The following CTNNA2 variants were observed in gnomAD, a reference collection of about 807,000 sequenced individuals.
CTNNA2 encodes catenin alpha-2.
CTNNA2 carries 42 observed loss-of-function variants against 101.0 expected under a neutral mutation model. The ratio of observed to expected loss-of-function variants is 0.42; its 90% CI spans 0.32 to 0.54. The LOEUF (loss-of-function observed/expected upper bound fraction) is 0.54, where lower values mean the gene tolerates loss of function less well. Among genes scored for constraint, CTNNA2 ranks in the 20% least tolerant of loss-of-function variants. CTNNA2 has a pLI of 0.14. For missense variants in CTNNA2, 871 were observed against 1,223.1 expected (o/e 0.71, Z 4.29); for synonymous variants, 450 against 456.4 (o/e 0.99, Z 0.18).
Position 79,657,752 on chromosome 2 carries a change from T to C in CTNNA2, c.102+6094T>C, listed in dbSNP as rs139563645. ...AGATCAGCATAAGTGTGAAAAAAAATAGGATTTTTAAAGAATATAATGGTG... is the reference window on the plus strand; with the variant it reads ...AGATCAGCATAAGTGTGAAAAAAAACAGGATTTTTAAAGAATATAATGGTG... On this transcript the variant is annotated intron_variant, in intron 2 of 18. Coordinates refer to ENST00000402739, the MANE Select transcript of CTNNA2 (RefSeq NM_001282597.3). 3.5e-3 allele frequency among the ~76,000 whole-genome samples: 528 copies of C among 151,356 alleles called. 11 individuals are homozygous for C. The East Asian group carries it at 0.048, about 14-fold the overall frequency.
At chr2:79,946,550 A>G (rs10172408) in intron 7 of CTNNA2, among the ~76,000 whole-genome samples, 12,823 of 152,236 alleles carry the variant, frequency 0.084, 628 homozygotes, top group East Asian at 0.19. Flanking sequence ...GTAGTCCAAT[A>G]TTAAACACAG....
intron 4 of CTNNA2, among the ~76,000 whole-genome samples, chr2:79,432,294 T>C (rs940108924): frequency 2.0e-5 from 3 of 152,252 alleles, no homozygotes; most frequent in African/African-American, 7.2e-5. Context: ...GCTGAGAACA[T>C]GGTAACTCCA....
intron 17 of CTNNA2, 121 bp from the exon 18 acceptor site, chr2:80,618,964 C>CT (rs1022497899): frequency 2.0e-5 from 11 of 556,452 alleles, no homozygotes; most frequent in South Asian, 4.7e-5. Flanking sequence ...TCATATACCT[C>CT]TTTTTTCCCA....
At chr2:79,333,954 T>C (rs1676934073) in intron 3 of CTNNA2, among the ~76,000 whole-genome samples, 1 of 152,158 alleles carries the variant, frequency 6.6e-6, no homozygotes, top group African/African-American at 2.4e-5. Context: ...TTATTTTTAA[T>C]TGACACATAA....
At chr2:79,812,028 A>G (rs1435730116) in intron 3 of CTNNA2, among the ~76,000 whole-genome samples, 3 of 152,302 alleles carry the variant, frequency 2.0e-5, no homozygotes, top group Admixed American at 6.5e-5. Context: ...TACTGATTCT[A>G]TATAGAAATA....
At chr2:79,666,033 T>C (rs1330512836) in intron 2 of CTNNA2, among the ~76,000 whole-genome samples, 2 of 152,192 alleles carry the variant, frequency 1.3e-5, no homozygotes, top group African/African-American at 4.8e-5. Context: ...CTTGTTTTTA[T>C]CCCCGAGGGG....
intron 7 of CTNNA2, among the ~76,000 whole-genome samples, chr2:80,126,613 TCCCTCCCTCCCTCCCTC>T (rs1702129810): frequency 6.4e-5 from 2 of 31,252 alleles, no homozygotes; most frequent in African/African-American, 2.7e-4. Context: ...CCTCCCTCCC[TCCCTCCCTCCCTCCCTC>T]CCTCCCTTCC....
In CTNNA2 at chr2:79,727,507, T is replaced by C. The variant is rs1312044201; in HGVS notation, c.103-16880T>C. 5.3e-5 allele frequency among the ~76,000 whole-genome samples: 8 copies of C among 152,052 alleles called. 1 individual carries two copies. Among genetic ancestry groups the C allele is most frequent in the Admixed American group, 5.2e-4 (8 of 15,264 alleles). Reference sequence around the variant, plus strand: ...AAAAATTCATTGAAAATCAATACTATCCCATTTATTTTAGTCTATCTCAGT... The same window carrying C: ...AAAAATTCATTGAAAATCAATACTACCCCATTTATTTTAGTCTATCTCAGT... On this transcript the variant is annotated intron_variant, in intron 2 of 18. Coordinates refer to ENST00000402739, the MANE Select transcript of CTNNA2 (RefSeq NM_001282597.3).
Position 79,585,282 on chromosome 2 carries a change from C to T in CTNNA2, c.-5-66270C>T, listed in dbSNP as rs138921014. Among the ~76,000 whole-genome samples, 20 of 151,988 alleles carry T rather than the reference C, an allele frequency of 1.3e-4. No individual in the cohort carries two copies. In the East Asian group the frequency reaches 3.9e-3, roughly 29 times the overall value. On this transcript the variant is annotated intron_variant, in intron 1 of 18. Transcript: ENST00000402739. ...ATTGTTTTTCTTGGTTATTCAGACACTTATTTACAATTAGGGATAATTCTG... is the reference window on the plus strand; with the variant it reads ...ATTGTTTTTCTTGGTTATTCAGACATTTATTTACAATTAGGGATAATTCTG...
At chr2:79,686,821 T>G (rs1683964172) in intron 2 of CTNNA2, among the ~76,000 whole-genome samples, 1 of 152,110 alleles carries the variant, frequency 6.6e-6, no homozygotes, top group Non-Finnish European at 1.5e-5. Context: ...AAAAAAATAC[T>G]AATATGCTCA....
At chr2:79,199,548 A>C (rs565731658) in intron 2 of CTNNA2, among the ~76,000 whole-genome samples, 1 of 152,012 alleles carries the variant, frequency 6.6e-6, no homozygotes, top group African/African-American at 2.4e-5. Context: ...TTTTATCTCG[A>C]ATATAGTGTA....
At chr2:79,206,839 C>A (rs1674106233) in intron 2 of CTNNA2, among the ~76,000 whole-genome samples, 1 of 152,134 alleles carries the variant, frequency 6.6e-6, no homozygotes, top group Admixed American at 6.6e-5. Flanking sequence ...TCAATAAAAT[C>A]ATAGAGGATA....
At chr2:80,523,450 A>T (rs1372455143) in intron 9 of CTNNA2, among the ~76,000 whole-genome samples, 1 of 152,218 alleles carries the variant, frequency 6.6e-6, no homozygotes, top group Admixed American at 6.5e-5. Flanking sequence ...TGATTTGGTG[A>T]TAATGTTAGG....
chr2:79,558,222 A>G (rs922365278), intron 1 of CTNNA2, among the ~76,000 whole-genome samples: 1 of 151,994 alleles, frequency 6.6e-6, no homozygotes, highest in African/African-American at 2.4e-5. Context: ...AACACTGAAC[A>G]TGATATCTTT....
intron 7 of CTNNA2, among the ~76,000 whole-genome samples, chr2:80,286,668 C>T (rs59327323): frequency 0.13 from 19,712 of 152,162 alleles, 1,861 homozygotes; most frequent in African/African-American, 0.26. Flanking sequence ...TCCCACCCAC[C>T]TAACTAGACA....
intron 4 of CTNNA2, among the ~76,000 whole-genome samples, chr2:79,439,544 G>A (rs1217791444): frequency 2.0e-5 from 3 of 152,106 alleles, no homozygotes; most frequent in South Asian, 2.1e-4. Flanking sequence ...TGAATCGTAC[G>A]CTTTGAATGG....
chr2:80,489,180 C>A (rs1179155158), intron 9 of CTNNA2, among the ~76,000 whole-genome samples: 5 of 152,158 alleles, frequency 3.3e-5, no homozygotes, highest in African/African-American at 1.2e-4. Flanking sequence ...ATGGACATTT[C>A]TGCAGGTCTT....
intron 7 of CTNNA2, among the ~76,000 whole-genome samples, chr2:80,385,096 T>C (rs1573910296): frequency 1.3e-5 from 2 of 152,158 alleles, no homozygotes; most frequent in Admixed American, 1.3e-4. Context: ...CCAGGTTCTA[T>C]ATAATGACAA....
chr2:80,280,716 A>G (rs1674314190), intron 7 of CTNNA2, among the ~76,000 whole-genome samples: 1 of 152,088 alleles, frequency 6.6e-6, no homozygotes, highest in Non-Finnish European at 1.5e-5. Context: ...TAAGTTTTAA[A>G]TTGTATGCTA....
Sources: gnomAD v4.1 joint callset for allele counts (sites outside exome capture counted in the v4.1 genomes callset) on GRCh38, gnomAD v4.1.1 for gene constraint, MANE v1.5 for transcripts, NCBI Gene and HGNC (gene_info 2026-07-23, HGNC 2026-07-21) for gene names.